The following FGFR1 variants were observed in gnomAD, a reference collection of about 807,000 sequenced individuals.
FGFR1 encodes fibroblast growth factor receptor 1.
FGFR1 carries 18 observed loss-of-function variants against 93.7 expected under a neutral mutation model. The ratio of observed to expected loss-of-function variants is 0.19; its 90% CI spans 0.13 to 0.28. The LOEUF (loss-of-function observed/expected upper bound fraction) is 0.28. Ranked by LOEUF, FGFR1 falls within the 10% of genes least tolerant of loss-of-function variation. The pLI is 1.00. For missense variants in FGFR1, 731 were observed against 1,080.4 expected, an observed-to-expected ratio of 0.68 and a Z score of 4.53; for synonymous variants, 448 against 429.3, an observed-to-expected ratio of 1.04 and a Z score of -0.54.
chr8:38,415,226 A>C (rs549459500), intron 13 of FGFR1, among the ~76,000 whole-genome samples: 3 of 152,240 alleles, frequency 2.0e-5, no homozygotes, highest in Admixed American at 2.0e-4. Flanking sequence ...CTTACACACC[A>C]AACACTGCAC....
chr8:38,434,519 C>A (rs928227030), intron 2 of FGFR1: 2 of 345,146 alleles, frequency 5.8e-6, no homozygotes, highest in South Asian at 3.3e-5. Flanking sequence ...GATCCCATGT[C>A]TCTGAACCTT....
intron 2 of FGFR1, among the ~76,000 whole-genome samples, chr8:38,444,098 C>T (rs1828511235): frequency 6.9e-6 from 1 of 145,960 alleles, no homozygotes; most frequent in South Asian, 2.2e-4. Context: ...GTAATGGTAG[C>T]AGGCAGCATT....
At chr8:38,438,670 C>A (rs1586524724) in intron 2 of FGFR1, among the ~76,000 whole-genome samples, 1 of 152,120 alleles carries the variant, frequency 6.6e-6, no homozygotes, top group East Asian at 1.9e-4. Flanking sequence ...ACACAGGTAG[C>A]CTGGTTCTCC....
Position 38,426,018 on chromosome 8 carries a change from G to C in FGFR1, c.745+104C>G, listed in dbSNP as rs562582050. 6.6e-7 allele frequency: 1 copy of C among 1,511,446 alleles called. No homozygotes were observed. The highest frequency in any genetic ancestry group is 2.3e-5 in the East Asian group (1 of 44,356). The allele number at this position is 1,511,446 out of a possible 1,614,324, so 93.6% of individuals were successfully genotyped here. ...GTGACAAAGCCAAGAAGTGCCAATC[G>C]CTATCCTGACTCTGCCCCTAAGAAA... On this transcript the variant is annotated intron_variant, in intron 6 of 17. Coordinates refer to ENST00000447712, the MANE Select transcript of FGFR1 (RefSeq NM_023110.3). This position sits in a 1 kb window ranked among gnomAD's most constrained non-coding sequence, Gnocchi z 4.1.
intron 13 of FGFR1, among the ~76,000 whole-genome samples, chr8:38,415,182 G>A (rs527978351): frequency 1.3e-5 from 2 of 152,340 alleles, no homozygotes; most frequent in Non-Finnish European, 2.9e-5. Context: ...AGCACAGCAA[G>A]TCCACATGGG....
At position 38,419,718 on chromosome 8, in the gene FGFR1, C is replaced by T. The variant is rs756016701; in HGVS notation, c.1099G>A (p.Ala367Thr). 6.2e-7 allele frequency: 1 copy of T among 1,614,094 alleles called. No homozygotes were observed. Among genetic ancestry groups the T allele is most frequent in the Non-Finnish European group, 8.5e-7 (1 of 1,179,990 alleles). The change falls in exon 9 of 18, where the codon GCA (alanine) becomes ACA (threonine). Residue 367 changes from alanine to threonine, a missense_variant. Physicochemically the swap from Ala to Thr is moderately conservative, Grantham distance 58 (BLOSUM62 0). Around this residue, in one of 10 missense-constraint regions of FGFR1, gnomAD observed 146 missense variants for 173.0 expected, o/e 0.84. Coordinates refer to ENST00000447712, the MANE Select transcript of FGFR1 (RefSeq NM_023110.3). ...AGGTACAGGGGCGAGGTCATCACTG[C>T]CGGCCTCTCTTCCAGGGCTGAGTCA... ...TVLEALEERP[A>T]VMTSPLYLEI...
At chr8:38,452,379 G>A (rs761800723) in intron 2 of FGFR1, among the ~76,000 whole-genome samples, 25 of 151,996 alleles carry the variant, frequency 1.6e-4, no homozygotes, top group African/African-American at 6.0e-4. Context: ...TTTAAAGACA[G>A]GGTCTCCTTC....
At chr8:38,432,811 C>T (rs1823663988) in intron 2 of FGFR1, among the ~76,000 whole-genome samples, 1 of 152,082 alleles carries the variant, frequency 6.6e-6, no homozygotes, top group African/African-American at 2.4e-5. Context: ...AGAGTAAAAT[C>T]CACATCCCTG....
intron 1 of FGFR1, chr8:38,465,685 C>T (rs1388496872): frequency 9.0e-6 from 2 of 223,140 alleles, no homozygotes; most frequent in East Asian, 1.3e-4. Context: ...ATGACCCGGG[C>T]GTGGGGGTGA....
chr8:38,458,549 T>A (rs552265949), intron 1 of FGFR1, among the ~76,000 whole-genome samples: 102 of 150,376 alleles, frequency 6.8e-4, no homozygotes, highest in East Asian at 1.4e-3. Flanking sequence ...TCAAAAAATT[T>A]AAAAAAAAAA....
intron 2 of FGFR1, among the ~76,000 whole-genome samples, chr8:38,437,808 C>A (rs1445159812): frequency 1.3e-5 from 2 of 152,200 alleles, no homozygotes; most frequent in African/African-American, 4.8e-5. Flanking sequence ...GAATGCAGGG[C>A]ATTCATGCCA....
chr8:38,452,760 A>C lies in FGFR1; in HGVS notation c.91+4596T>G, dbSNP rs564234051. On this transcript the variant is annotated intron_variant, in intron 2 of 17. Coordinates refer to ENST00000447712, the MANE Select transcript of FGFR1 (RefSeq NM_023110.3). ...GGGAGGCCGAGGTGGGCAGATCATG[A>C]GGTCAGGAGACCGAGACCATCCTGG... Among the ~76,000 whole-genome samples, 3 of 152,230 alleles carry C rather than the reference A, an allele frequency of 2.0e-5. No homozygotes were observed. The South Asian group carries it at 6.2e-4, about 32-fold the overall frequency.
At chr8:38,463,079 A>C in intron 1 of FGFR1, 1 of 149,734 alleles carries the variant, frequency 6.7e-6, no homozygotes, top group East Asian at 2.0e-4. Context: ...TAATTTGTGT[A>C]TTTTTTGGTA....
intron 2 of FGFR1, among the ~76,000 whole-genome samples, chr8:38,448,692 C>T (rs890073272): frequency 2.0e-5 from 3 of 152,148 alleles, no homozygotes; most frequent in African/African-American, 7.2e-5. Context: ...TGGTGGCTCA[C>T]GCCTGTAATC....
At chr8:38,430,838 C>T (rs1822806692) in intron 2 of FGFR1, 1 of 152,440 alleles carries the variant, frequency 6.6e-6, no homozygotes, top group African/African-American at 2.4e-5. Context: ...AGATCTGATA[C>T]CACCAAGAGC....
At position 38,417,556 on chromosome 8, in the gene FGFR1, C is replaced by G. The variant is rs1437080491; in HGVS notation, c.1553-140G>C. ...TCCCCACTTCATCCAAACTTGTTTT[C>G]TCTTCCCTCTCATGGGAGCCGTTGT... On this transcript the variant is annotated intron_variant, in intron 11 of 17. Transcript: ENST00000447712. 2.6e-5 allele frequency: 21 copies of G among 817,456 alleles called. No homozygotes were observed. The East Asian group carries it at 5.0e-4, about 20-fold the overall frequency. The allele number at this position is 817,456 out of a possible 1,614,324, so 50.6% of individuals were successfully genotyped here.
intron 8 of FGFR1, 137 bp downstream of exon 8, chr8:38,421,660 C>T (rs1180549613): frequency 1.1e-6 from 1 of 911,840 alleles, no homozygotes; most frequent in Non-Finnish European, 1.8e-6. Flanking sequence ...AAAGCTGGGG[C>T]AGGATGTGGC....
At chr8:38,423,255 G>A in intron 7 of FGFR1, 1 of 745,908 alleles carries the variant, frequency 1.3e-6, no homozygotes, top group Non-Finnish European at 2.5e-6. Context: ...GTAACTTTCA[G>A]GCAGGCCCAG....
Position 38,440,274 on chromosome 8 carries a change from A to AT in FGFR1, c.92-10327dup, listed in dbSNP as rs767439557. On this transcript the variant is annotated intron_variant, in intron 2 of 17. Transcript: ENST00000447712. ...CTCTGCAGAGGTTTTTTTATTACGTATTTTGGCTTTGAAATGGAACTGAAA... is the reference window on the plus strand; with the variant it reads ...CTCTGCAGAGGTTTTTTTATTACGTATTTTTGGCTTTGAAATGGAACTGAAA... 9 of 1,587,830 alleles carry AT rather than the reference A, an allele frequency of 5.7e-6. No homozygotes were observed. In the Admixed American group the frequency reaches 1.6e-4, roughly 28 times the overall value.
Sources: gnomAD v4.1 joint callset for allele counts (sites outside exome capture counted in the v4.1 genomes callset) on GRCh38, gnomAD v4.1.1 for gene constraint, gnomAD v4.1.1 regional missense constraint, Gnocchi (gnomAD v3.1) non-coding constraint, MANE v1.5 for transcripts, NCBI Gene and HGNC (gene_info 2026-07-23, HGNC 2026-07-21) for gene names.